DCLK1: variants seen among roughly 807,000 people sequenced by gnomAD.
DCLK1 encodes the protein doublecortin like kinase 1, also known as serine/threonine-protein kinase DCLK1.
In DCLK1, 16 loss-of-function variants were observed where a neutral mutation model predicts 86.2. The ratio of observed to expected loss-of-function variants is 0.19; its 90% CI spans 0.13 to 0.28. The LOEUF (loss-of-function observed/expected upper bound fraction) is 0.28, where lower values mean the gene tolerates loss of function less well. DCLK1 is among the 10% of genes least tolerant of loss of function. DCLK1 has a pLI of 1.00. For missense variants in DCLK1, 590 were observed against 940.2 expected (o/e 0.63, Z 4.87); for synonymous variants, 369 against 370.5 (o/e 1.00, Z 0.05).
intron 4 of DCLK1, among the ~76,000 whole-genome samples, chr13:35,902,233 G>A (rs1430095479): frequency 6.6e-6 from 1 of 152,218 alleles, no homozygotes; most frequent in East Asian, 1.9e-4. Flanking sequence ...TTGGAGCCAA[G>A]GGTGAAACCC....
At chr13:35,857,837 C>T (rs754985686) in intron 5 of DCLK1, among the ~76,000 whole-genome samples, 4 of 152,028 alleles carry the variant, frequency 2.6e-5, no homozygotes, top group South Asian at 2.1e-4. Flanking sequence ...GGGCTGGATA[C>T]GAGAAAGGAG....
At chr13:35,822,623 C>T in intron 11 of DCLK1, 106 bp downstream of exon 11, 6 of 1,519,070 alleles carry the variant, frequency 3.9e-6, no homozygotes, top group Non-Finnish European at 5.4e-6. Flanking sequence ...GGAAATTAAC[C>T]TTTCAGGTAA....
chr13:36,096,235 T>C (rs1462687451), intron 3 of DCLK1, among the ~76,000 whole-genome samples: 1 of 152,202 alleles, frequency 6.6e-6, no homozygotes, highest in African/African-American at 2.4e-5. Context: ...CCCAAGGCCT[T>C]TGAATCTCAG....
At chr13:36,113,895 G>A (rs2138193908) in intron 2 of DCLK1, among the ~76,000 whole-genome samples, 1 of 152,274 alleles carries the variant, frequency 6.6e-6, no homozygotes, top group South Asian at 2.1e-4. Context: ...ATATTGAACA[G>A]TTACCAGTGG....
chr13:36,110,025 A>C (rs1282986712), intron 3 of DCLK1, among the ~76,000 whole-genome samples: 1 of 152,212 alleles, frequency 6.6e-6, no homozygotes, highest in Non-Finnish European at 1.5e-5. Context: ...AAAATTCTGA[A>C]GTGCAGCAGG....
In DCLK1 at chr13:36,013,597, A is replaced by C. The variant is rs996259721; in HGVS notation, c.724-66140T>G. Among the ~76,000 whole-genome samples the C allele has an allele frequency of 5.0e-3, 756 of 152,270 alleles. 5 individuals are homozygous for C. The highest frequency in any genetic ancestry group is 0.016 in the African/African-American group (682 of 41,552). On this transcript the variant is annotated intron_variant, in intron 3 of 16. Transcript: ENST00000360631. ...GCAGTCTGCCCGTTCTCAGATCTCC[A>C]GCTGCGTGCTGGGAGAACCACTGCT...
intron 4 of DCLK1, among the ~76,000 whole-genome samples, chr13:35,923,697 A>G (rs1343869430): frequency 6.6e-6 from 1 of 152,110 alleles, no homozygotes; most frequent in Non-Finnish European, 1.5e-5. Flanking sequence ...TTTCCCTGCT[A>G]TCTATTTCTA....
intron 4 of DCLK1, among the ~76,000 whole-genome samples, chr13:35,909,596 T>C (rs964997871): frequency 3.6e-5 from 3 of 83,048 alleles, no homozygotes; most frequent in African/African-American, 1.5e-4. Flanking sequence ...GCTGTGTGCA[T>C]ATGTGTGTGT....
Position 36,111,865 on chromosome 13 carries a change from T to C in DCLK1, c.723+4A>G, listed in dbSNP as rs764228303. On this transcript the variant is annotated splice_donor_region_variant and intron_variant, in intron 3 of 16. Transcript: ENST00000360631. ...TCAAAGTCACATCACAATATGTCTCTTACCTGTTTCCCATCCAACGTGTAC... is the reference window on the plus strand; with the variant it reads ...TCAAAGTCACATCACAATATGTCTCCTACCTGTTTCCCATCCAACGTGTAC... 3.7e-6 allele frequency: 6 copies of C among 1,608,202 alleles called. No homozygotes were observed. Among genetic ancestry groups the C allele is most frequent in the Admixed American group, 1.7e-5 (1 of 59,898 alleles).
chr13:35,984,061 A>G (rs964358696), intron 3 of DCLK1, among the ~76,000 whole-genome samples: 2 of 152,230 alleles, frequency 1.3e-5, no homozygotes, highest in African/African-American at 4.8e-5. Context: ...AGGTGAGCCT[A>G]TGTGAAAACT....
intron 3 of DCLK1, among the ~76,000 whole-genome samples, chr13:36,064,751 AAAG>A (rs1197642561): frequency 1.5e-4 from 23 of 152,066 alleles, no homozygotes; most frequent in East Asian, 7.7e-4. Flanking sequence ...ACAAAAAAAA[AAAG>A]AAGAAGAAGA....
intron 3 of DCLK1, among the ~76,000 whole-genome samples, chr13:36,069,454 T>C (rs1883885903): frequency 6.6e-6 from 1 of 152,204 alleles, no homozygotes; most frequent in Non-Finnish European, 1.5e-5. Flanking sequence ...ATTTTGTTTT[T>C]CACCCTGAGG....
At chr13:35,795,501 AG>A (rs2086790139) in intron 15 of DCLK1, among the ~76,000 whole-genome samples, 2 of 152,242 alleles carry the variant, frequency 1.3e-5, no homozygotes, top group Non-Finnish European at 2.9e-5. Flanking sequence ...TACATTATCC[AG>A]CTCTTGGTTC....
intron 4 of DCLK1, among the ~76,000 whole-genome samples, chr13:35,925,852 T>C (rs1043668877): frequency 6.6e-6 from 1 of 152,184 alleles, no homozygotes; most frequent in African/African-American, 2.4e-5. Flanking sequence ...AGCAAGGAGA[T>C]ACCACAGAAA....
intron 3 of DCLK1, among the ~76,000 whole-genome samples, chr13:35,955,104 C>T (rs933332176): frequency 7.9e-5 from 12 of 152,098 alleles, no homozygotes; most frequent in Non-Finnish European, 8.8e-5. Flanking sequence ...CAGGAATGCA[C>T]CCTTTATGCA....
chr13:36,118,711 T>C (rs1885879127), intron 2 of DCLK1, among the ~76,000 whole-genome samples: 1 of 152,094 alleles, frequency 6.6e-6, no homozygotes, highest in Non-Finnish European at 1.5e-5. Context: ...TTAAGGGTGA[T>C]GTTAAGTTAT....
At chr13:36,108,570 G>T (rs2138182482) in intron 3 of DCLK1, among the ~76,000 whole-genome samples, 1 of 152,238 alleles carries the variant, frequency 6.6e-6, no homozygotes, top group Non-Finnish European at 1.5e-5. Context: ...GGCTTTCATG[G>T]TTCCATTGTC....
chr13:35,775,107 G>T (rs2086401386), intron 16 of DCLK1, among the ~76,000 whole-genome samples: 1 of 152,216 alleles, frequency 6.6e-6, no homozygotes, highest in Non-Finnish European at 1.5e-5. Flanking sequence ...GCAGCTCAGG[G>T]TAGCTGCATA....
chr13:36,096,630 A>G (rs1416452797), intron 3 of DCLK1, among the ~76,000 whole-genome samples: 1 of 152,218 alleles, frequency 6.6e-6, no homozygotes, highest in Non-Finnish European at 1.5e-5. Context: ...AAATAATTGG[A>G]TCTCATCCAA....
Sources: gnomAD v4.1 joint callset for allele counts (sites outside exome capture counted in the v4.1 genomes callset) on GRCh38, gnomAD v4.1.1 for gene constraint, MANE v1.5 for transcripts, NCBI Gene and HGNC (gene_info 2026-07-23, HGNC 2026-07-21) for gene names.